Variants in DYNC2H1 observed in about 807,000 individuals in gnomAD.
DYNC2H1 encodes cytoplasmic dynein 2 heavy chain 1.
A neutral mutation model predicts 570.0 loss-of-function variants in DYNC2H1; 410 were observed. That is an observed-to-expected ratio of 0.72 (90% CI 0.66 to 0.78). DYNC2H1 has a LOEUF of 0.78. Among genes scored for constraint, DYNC2H1 ranks in the 30% least tolerant of loss-of-function variants. DYNC2H1 has a pLI of 0.00. For synonymous variants in DYNC2H1, 1,688 were observed against 1,677.6 expected (o/e 1.01, Z -0.15); for missense variants, 4,865 against 5,046.4 (o/e 0.96, Z 1.09).
Position 103,268,122 on chromosome 11 carries a change from TC to T in DYNC2H1, c.10695+8147del, listed in dbSNP as rs1358650687. 1.3e-5 allele frequency among the ~76,000 whole-genome samples: 2 copies of T among 152,058 alleles called. No individual in the cohort carries two copies. Among genetic ancestry groups the T allele is most frequent in the Non-Finnish European group, 2.9e-5 (2 of 67,928 alleles). ...AAATTTCTGTAAGTATAATTGCTGG[TC>T]CAAGGATTGCTTTATAAATCTTATT... is the stretch of plus-strand genomic sequence containing the variant. On this transcript the variant is annotated intron_variant, in intron 70 of 88. Coordinates refer to ENST00000375735, the MANE Select transcript of DYNC2H1 (RefSeq NM_001377.3). The surrounding 1 kb of genome is among the most constrained non-coding windows in gnomAD (Gnocchi z 4.6).
intron 47 of DYNC2H1, among the ~76,000 whole-genome samples, chr11:103,193,022 A>G (rs1862379378): frequency 6.6e-6 from 1 of 152,160 alleles, no homozygotes; most frequent in Non-Finnish European, 1.5e-5. Flanking sequence ...CAACATATAC[A>G]TTTAGTATAT....
intron 83 of DYNC2H1, among the ~76,000 whole-genome samples, chr11:103,358,664 A>G (rs1042097148): frequency 9.2e-5 from 14 of 152,192 alleles, no homozygotes; most frequent in African/African-American, 3.1e-4. Flanking sequence ...TCTCAGGGCT[A>G]TGCTTCTTGT....
chr11:103,121,109 C>A, intron 9 of DYNC2H1, 73 bp downstream of exon 9: 1 of 991,098 alleles, frequency 1.0e-6, no homozygotes, highest in South Asian at 2.1e-5. Flanking sequence ...TCGTTGCATA[C>A]CATTTAGGAT....
In DYNC2H1 at chr11:103,461,318, T is replaced by G. The variant is rs527892808; in HGVS notation, c.12648+4962T>G. Among the ~76,000 whole-genome samples, 11 of 151,530 alleles carry G rather than the reference T, an allele frequency of 7.3e-5. No individual in the cohort carries two copies. The highest frequency in any genetic ancestry group is 2.6e-4 in the Admixed American group (4 of 15,110). ...AATTTTATTAGTTTTTTTTAAAATC[T>G]CTATCACCATAGACTGAATTAAACA... is the stretch of plus-strand genomic sequence containing the variant. On this transcript the variant is annotated intron_variant, in intron 87 of 88. Transcript: ENST00000375735. The surrounding 1 kb of genome is among the most constrained non-coding windows in gnomAD (Gnocchi z 4.8).
intron 83 of DYNC2H1, among the ~76,000 whole-genome samples, chr11:103,397,308 C>G (rs1033169329): frequency 1.3e-5 from 2 of 150,352 alleles, no homozygotes; most frequent in Admixed American, 6.6e-5. Context: ...TGTATTTACT[C>G]AATAAAAAAA....
chr11:103,179,110 T>TG lies in DYNC2H1; in HGVS notation c.6225dup (p.Leu2076AlafsTer16), dbSNP rs1861746747. On this transcript the variant is annotated frameshift_variant, in exon 39 of 89. Coordinates refer to ENST00000375735, the MANE Select transcript of DYNC2H1 (RefSeq NM_001377.3). LOFTEE classifies it high-confidence loss of function. ...AATTCTGTTCTGGATGATAATCGAC[T>TG]GCTGACTATGCCCAGTGGAGAAAGG... 6.2e-7 allele frequency: 1 copy of TG among 1,613,064 alleles called. No homozygotes were observed. The highest frequency in any genetic ancestry group is 1.7e-5 in the Admixed American group (1 of 59,926).
chr11:103,220,187 C>A (rs1394611355), intron 56 of DYNC2H1, among the ~76,000 whole-genome samples, 159 bp downstream of exon 56: 1 of 152,072 alleles, frequency 6.6e-6, no homozygotes, highest in Non-Finnish European at 1.5e-5. Context: ...GAAGGAAAGC[C>A]TTCCAGGAAA....
Position 103,135,609 on chromosome 11 carries a change from GAAAT to G in DYNC2H1, c.2326_2329del (p.Asn776Ter). ...AGAAGCACTTAATGAGAATTTGCCA[GAAAT>G]AAATATAGACTTAACTTACAAGTAA... On this transcript the variant is annotated frameshift_variant, in exon 16 of 89. Coordinates refer to ENST00000375735, the MANE Select transcript of DYNC2H1 (RefSeq NM_001377.3). LOFTEE classifies it high-confidence loss of function. 3 of 1,613,212 alleles carry G rather than the reference GAAAT, an allele frequency of 1.9e-6. No homozygotes were observed. The highest frequency in any genetic ancestry group is 1.7e-6 in the Non-Finnish European group (2 of 1,179,582).
chr11:103,297,685 G>A (rs12275164), intron 75 of DYNC2H1, among the ~76,000 whole-genome samples: 25,100 of 151,968 alleles, frequency 0.17, 2,262 homozygotes, highest in Admixed American at 0.25. Context: ...ATGGTCCATC[G>A]TTGATTGAAA....
intron 83 of DYNC2H1, among the ~76,000 whole-genome samples, chr11:103,362,887 C>T (rs1043549776): frequency 6.6e-6 from 1 of 151,944 alleles, no homozygotes. Flanking sequence ...AAAAATTAGC[C>T]AGGCATGGTG....
Position 103,186,409 on chromosome 11 carries a change from C to G in DYNC2H1, c.6801C>G (p.Asp2267Glu). The part of the protein sequence containing the change: ...GLTLPVIQTP[D>E]MQRGLDYFKP... ...CTCTTCCAGTCATTCAGACTCCTGA[C>G]ATGCAACGAGGTCTAGATTATTTCA... Residue 2267 changes from aspartate to glutamate, a missense_variant, in exon 42 of 89, where the codon GAC becomes GAG. Physicochemically the swap from Asp to Glu is conservative, Grantham distance 45 (BLOSUM62 2). Around this residue, in one of 5 missense-constraint regions of DYNC2H1, gnomAD observed 2,401 missense variants for 2,454.6 expected, o/e 0.98. Transcript: ENST00000375735. The surrounding 1 kb of genome is among the most constrained non-coding windows in gnomAD (Gnocchi z 4.5). The G allele has an allele frequency of 6.2e-7, 1 of 1,612,884 alleles. No individual in the cohort carries two copies. Among genetic ancestry groups the G allele is most frequent in the Non-Finnish European group, 8.5e-7 (1 of 1,179,208 alleles).
At chr11:103,237,473 C>T (rs1864262720) in intron 63 of DYNC2H1, among the ~76,000 whole-genome samples, 1 of 151,862 alleles carries the variant, frequency 6.6e-6, no homozygotes, top group African/African-American at 2.4e-5. Context: ...TGGTAACTTA[C>T]CGGTAGAGAA....
intron 85 of DYNC2H1, 40 bp from the exon 86 acceptor site, chr11:103,455,146 G>C: frequency 7.0e-7 from 1 of 1,437,330 alleles, no homozygotes; most frequent in South Asian, 1.2e-5. Context: ...TGACTTATAA[G>C]TGTGTGTGTA....
At chr11:103,323,486 A>ATT (rs1938318137) in intron 81 of DYNC2H1, among the ~76,000 whole-genome samples, 1 of 151,658 alleles carries the variant, frequency 6.6e-6, no homozygotes, top group African/African-American at 2.4e-5. Flanking sequence ...ATATATATAT[A>ATT]TATAACTGCT....
At chr11:103,451,672 TTGTTTTATCACAG>T (rs202033987) in intron 85 of DYNC2H1, among the ~76,000 whole-genome samples, 1,797 of 152,244 alleles carry the variant, frequency 0.012, 39 homozygotes, top group African/African-American at 0.04. Context: ...TTTTATCACA[TTGTTTTATCACAG>T]TGTACCAGTA....
At chr11:103,436,333 G>A (rs946552896) in intron 85 of DYNC2H1, among the ~76,000 whole-genome samples, 1 of 151,778 alleles carries the variant, frequency 6.6e-6, no homozygotes, top group East Asian at 1.9e-4. Flanking sequence ...TCATCACTGT[G>A]ACTAGTTTGC....
At chr11:103,302,890 A>G (rs1036393892) in intron 75 of DYNC2H1, among the ~76,000 whole-genome samples, 1 of 152,018 alleles carries the variant, frequency 6.6e-6, no homozygotes, top group African/African-American at 2.4e-5. Context: ...CGTGGAAAAC[A>G]TTTAGAAAAA....
intron 5 of DYNC2H1, among the ~76,000 whole-genome samples, chr11:103,117,297 A>G (rs1858458413): frequency 6.8e-6 from 1 of 147,944 alleles, no homozygotes; most frequent in African/African-American, 2.5e-5. Context: ...TTTTTATTAT[A>G]CTTTAAGTTC....
At chr11:103,284,759 T>G (rs952626347) in intron 73 of DYNC2H1, among the ~76,000 whole-genome samples, 11 of 152,206 alleles carry the variant, frequency 7.2e-5, no homozygotes, top group African/African-American at 2.2e-4. Context: ...TAATGCATTT[T>G]TTATATACTT....
Sources: gnomAD v4.1 joint callset for allele counts (sites outside exome capture counted in the v4.1 genomes callset) on GRCh38, gnomAD v4.1.1 for gene constraint, gnomAD v4.1.1 regional missense constraint, Gnocchi (gnomAD v3.1) non-coding constraint, MANE v1.5 for transcripts, NCBI Gene and HGNC (gene_info 2026-07-23, HGNC 2026-07-21) for gene names.